The following TENM2 variants were observed in gnomAD, a reference collection of about 807,000 sequenced individuals.
TENM2 encodes teneurin transmembrane protein 2, also known as teneurin-2.
TENM2 carries 52 observed loss-of-function variants against 245.2 expected under a neutral mutation model. The observed-to-expected ratio is 0.21, with a 90% CI of 0.17 to 0.27. The LOEUF (loss-of-function observed/expected upper bound fraction) is 0.27, where lower values mean the gene tolerates loss of function less well. TENM2 is among the 10% of genes least tolerant of loss of function. TENM2 has a pLI of 1.00. For synonymous variants in TENM2, 1,363 were observed against 1,438.9 expected (o/e 0.95, Z 1.19); for missense variants, 3,046 against 3,666.8 (o/e 0.83, Z 4.37).
intron 1 of TENM2, among the ~76,000 whole-genome samples, chr5:167,288,577 AAAAG>A (rs1335954440): frequency 6.6e-6 from 1 of 150,672 alleles, no homozygotes; most frequent in African/African-American, 2.5e-5. Flanking sequence ...AAAAAAAAGA[AAAAG>A]AAAAGAATAA....
intron 2 of TENM2, among the ~76,000 whole-genome samples, chr5:167,659,631 G>A (rs1755074222): frequency 1.3e-5 from 2 of 152,102 alleles, no homozygotes; most frequent in South Asian, 4.1e-4. Flanking sequence ...CAAATAATCT[G>A]TGCATCCACA....
chr5:167,182,744 C>T, the TENM2 span, among the ~76,000 whole-genome samples: 1 of 152,024 alleles, frequency 6.6e-6, no homozygotes, highest in Non-Finnish European at 1.5e-5. Flanking sequence ...ACATTTCAGA[C>T]GTGGTGATAC....
At chr5:167,131,593 G>A in the TENM2 span, among the ~76,000 whole-genome samples, 1 of 152,134 alleles carries the variant, frequency 6.6e-6, no homozygotes, top group African/African-American at 2.4e-5. Context: ...ACACTACAGA[G>A]CTAGCATCCA....
rs76711875 is a variant in TENM2, at chr5:168,152,011, A to G, written c.2423-10600A>G. ...CACCCCAGTTGAGAACAGGAACTAT[A>G]GAGCCATTGGCTGGTGTCAAATCCT... On this transcript the variant is annotated intron_variant, in intron 12 of 28. Transcript: ENST00000518659. Among the ~76,000 whole-genome samples, 730 of 152,362 alleles carry G rather than the reference A, an allele frequency of 4.8e-3. 3 individuals are homozygous for G. Among genetic ancestry groups the G allele is most frequent in the African/African-American group, 0.017 (707 of 41,586 alleles).
At chr5:168,115,492 C>G (rs1460848655) in intron 9 of TENM2, among the ~76,000 whole-genome samples, 1 of 151,674 alleles carries the variant, frequency 6.6e-6, no homozygotes, top group Non-Finnish European at 1.5e-5. Flanking sequence ...AATTTTGCAC[C>G]TTACTTTCTA....
intron 4 of TENM2, among the ~76,000 whole-genome samples, chr5:167,970,488 T>C (rs13171977): frequency 0.22 from 33,330 of 152,142 alleles, 4,117 homozygotes; most frequent in South Asian, 0.33. Context: ...TCCTCTCTCT[T>C]GGAAATGGCT....
the TENM2 span, among the ~76,000 whole-genome samples, chr5:167,261,305 G>A: frequency 6.6e-6 from 1 of 152,070 alleles, no homozygotes; most frequent in Non-Finnish European, 1.5e-5. Flanking sequence ...TACTGCTTGT[G>A]TGACCTTGTA....
At chr5:167,635,769 C>T (rs1383903609) in intron 2 of TENM2, among the ~76,000 whole-genome samples, 10 of 150,998 alleles carry the variant, frequency 6.6e-5, no homozygotes, top group Non-Finnish European at 4.4e-5. Flanking sequence ...CTCAGCCTCC[C>T]TAGTAGCTGG....
the TENM2 span, among the ~76,000 whole-genome samples, chr5:167,204,072 A>G: frequency 1.1e-4 from 17 of 152,240 alleles, no homozygotes; most frequent in South Asian, 2.1e-3. Flanking sequence ...AAGAACATAC[A>G]GATTTTGCAT....
chr5:167,359,748 G>C (rs1208096526), intron 1 of TENM2, among the ~76,000 whole-genome samples: 9 of 151,994 alleles, frequency 5.9e-5, no homozygotes, highest in South Asian at 4.1e-4. Context: ...TTTTGTATGT[G>C]GTGTAAGGAA....
chr5:167,034,629 CAAAAAAAAA>C, the TENM2 span, among the ~76,000 whole-genome samples: 152 of 72,250 alleles, frequency 2.1e-3, 1 homozygote, highest in East Asian at 0.051. Context: ...GACTCCGTCT[CAAAAAAAAA>C]AAAAAAAAAA....
chr5:168,028,157 G>A lies in TENM2; in HGVS notation c.1187-19270G>A, dbSNP rs189837007. ...AGCACTCAGCCTGAGAGACAGGGTTGGACCAGCCAGTCAGCCTTCTGCCGC... is the reference window on the plus strand; with the variant it reads ...AGCACTCAGCCTGAGAGACAGGGTTAGACCAGCCAGTCAGCCTTCTGCCGC... On this transcript the variant is annotated intron_variant, in intron 5 of 28. Coordinates refer to ENST00000518659, the Ensembl canonical transcript of TENM2. 2.8e-4 allele frequency among the ~76,000 whole-genome samples: 42 copies of A among 152,304 alleles called. No homozygotes were observed. The East Asian group carries it at 6.2e-3, about 22-fold the overall frequency.
chr5:167,631,525 T>G (rs1203483188), intron 2 of TENM2, among the ~76,000 whole-genome samples: 1 of 152,126 alleles, frequency 6.6e-6, no homozygotes, highest in African/African-American at 2.4e-5. Flanking sequence ...AGGGGCCAGC[T>G]TATGTAAGTC....
At chr5:167,394,692 G>T (rs1761956276) in intron 2 of TENM2, among the ~76,000 whole-genome samples, 2 of 152,058 alleles carry the variant, frequency 1.3e-5, no homozygotes, top group East Asian at 1.9e-4. Context: ...ACCTCCTGGG[G>T]TCAAGTGATT....
At chr5:168,099,749 C>G (rs1479725455) in intron 9 of TENM2, among the ~76,000 whole-genome samples, 2 of 152,154 alleles carry the variant, frequency 1.3e-5, no homozygotes, top group Non-Finnish European at 2.9e-5. Context: ...TGTGAGGGTT[C>G]CAGGCTTACG....
At chr5:167,916,698 T>C (rs1435249454) in intron 3 of TENM2, among the ~76,000 whole-genome samples, 1 of 152,066 alleles carries the variant, frequency 6.6e-6, no homozygotes, top group East Asian at 1.9e-4. Context: ...GCTCGGATCT[T>C]CCTGAGAGGA....
chr5:168,178,855 T>C (rs888056176), intron 13 of TENM2, among the ~76,000 whole-genome samples: 1 of 152,118 alleles, frequency 6.6e-6, no homozygotes, highest in African/African-American at 2.4e-5. Context: ...CCCAGCACTT[T>C]AATTCCAGCA....
chr5:168,113,646 G>A (rs1028858549), intron 9 of TENM2, among the ~76,000 whole-genome samples: 17 of 152,090 alleles, frequency 1.1e-4, no homozygotes, highest in Non-Finnish European at 1.5e-4. Context: ...GCTTCAGCTG[G>A]ATCATTAAAA....
the TENM2 span, among the ~76,000 whole-genome samples, chr5:167,237,358 C>A: frequency 6.6e-6 from 1 of 152,240 alleles, no homozygotes; most frequent in Middle Eastern, 3.4e-3. Context: ...ATATTTTTCA[C>A]TTGTTGACAC....
Sources: gnomAD v4.1 joint callset for allele counts (sites outside exome capture counted in the v4.1 genomes callset) on GRCh38, gnomAD v4.1.1 for gene constraint, MANE v1.5 for transcripts, NCBI Gene and HGNC (gene_info 2026-07-23, HGNC 2026-07-21) for gene names.